ZNF415: variants seen among roughly 807,000 people sequenced by gnomAD.
The protein encoded by ZNF415 is zinc finger protein 415.
In ZNF415, 5 loss-of-function variants were observed where a neutral mutation model predicts 7.3. The observed-to-expected ratio is 0.69, with a 90% confidence interval of 0.36 to 1.44. ZNF415 has a LOEUF of 1.44. Among genes scored for constraint, ZNF415 ranks in the 40% most tolerant of loss-of-function variants. The pLI, the probability that ZNF415 is intolerant of heterozygous loss-of-function variation, is 0.04. For missense variants in ZNF415, 628 were observed against 664.8 expected (o/e 0.94, Z 0.61); for synonymous variants, 207 against 226.3 (o/e 0.91, Z 0.77).
At chr19:53,122,766 G>A in intron 1 of ZNF415, 23 bp from the exon 2 acceptor site, 1 of 1,570,570 alleles carries the variant, frequency 6.4e-7, no homozygotes. Flanking sequence ...AACAAGTGCT[G>A]TTTATTGCTT....
chr19:53,119,221 G>A (rs2087569016), intron 2 of ZNF415, among the ~76,000 whole-genome samples: 1 of 152,010 alleles, frequency 6.6e-6, no homozygotes, highest in Non-Finnish European at 1.5e-5. Flanking sequence ...GGCGGAGCTT[G>A]CAGTGAGCCC....
chr19:53,109,265 C>A lies in ZNF415; in HGVS notation c.780G>T (p.Ala260=), dbSNP rs142864555. 70 of 1,614,108 alleles carry A rather than the reference C, an allele frequency of 4.3e-5. No homozygotes were observed. In the South Asian group the frequency reaches 6.8e-4, roughly 16 times the overall value. Residue 260 remains alanine (A), a synonymous_variant, in exon 4 of 4, where the codon GCG becomes GCT. Transcript: ENST00000243643. ...GKVFSQKSNL[A]RHWRVHTGEK... Reference sequence around the variant, plus strand: ...CTCCAGTATGAACTCTCCAATGACGCGCAAGGTTTGATTTTTGACTAAAGA... The same window carrying A: ...CTCCAGTATGAACTCTCCAATGACGAGCAAGGTTTGATTTTTGACTAAAGA...
intron 2 of ZNF415, among the ~76,000 whole-genome samples, chr19:53,118,024 G>T (rs2087338548): frequency 6.6e-6 from 1 of 152,060 alleles, no homozygotes. Context: ...TGGCTAAATT[G>T]ATACAAGCGT....
At chr19:53,122,426 T>A in intron 2 of ZNF415, 1 of 1,537,828 alleles carries the variant, frequency 6.5e-7, no homozygotes, top group Non-Finnish European at 8.7e-7. Context: ...CATGTCTGGG[T>A]GTGAGCCCTT....
chr19:53,115,845 G>A, intron 3 of ZNF415: 3 of 1,488,532 alleles, frequency 2.0e-6, no homozygotes, highest in Non-Finnish European at 2.8e-6. Flanking sequence ...CTTATAAAAT[G>A]AATGGAACAT....
At chr19:53,114,596 CT>C (rs1398868859) in intron 3 of ZNF415, among the ~76,000 whole-genome samples, 1 of 152,164 alleles carries the variant, frequency 6.6e-6, no homozygotes, top group Non-Finnish European at 1.5e-5. Context: ...ACATATGAGG[CT>C]AGATTTTGAA....
At chr19:53,112,340 G>A (rs2086358240) in intron 3 of ZNF415, among the ~76,000 whole-genome samples, 1 of 152,152 alleles carries the variant, frequency 6.6e-6, no homozygotes, top group Non-Finnish European at 1.5e-5. Flanking sequence ...CAGCAAGAAT[G>A]CACCCAGGCG....
intron 2 of ZNF415, among the ~76,000 whole-genome samples, chr19:53,118,215 G>A (rs1212464467): frequency 6.6e-6 from 1 of 152,034 alleles, no homozygotes; most frequent in African/African-American, 2.4e-5. Flanking sequence ...GATGAAAAAG[G>A]TCATTATATA....
intron 3 of ZNF415, among the ~76,000 whole-genome samples, chr19:53,110,753 A>G (rs1432237909): frequency 6.6e-6 from 1 of 152,254 alleles, no homozygotes; most frequent in East Asian, 1.9e-4. Flanking sequence ...ATATGTTAAG[A>G]TCTCTGACAT....
chr19:53,132,453 A>T (rs2090209647), intron 1 of ZNF415, among the ~76,000 whole-genome samples: 1 of 152,064 alleles, frequency 6.6e-6, no homozygotes, highest in Admixed American at 6.5e-5. Flanking sequence ...GCCTTCAGAC[A>T]GGGGTGGGGT....
chr19:53,119,444 CAAAAAAAA>C (rs34688086), intron 2 of ZNF415, among the ~76,000 whole-genome samples: 6 of 35,092 alleles, frequency 1.7e-4, no homozygotes, highest in South Asian at 1.9e-3. Flanking sequence ...GACTCCATCT[CAAAAAAAA>C]AAAAAAAAAA....
At chr19:53,123,554 T>C in intron 1 of ZNF415, 2 of 398,620 alleles carry the variant, frequency 5.0e-6, no homozygotes, top group South Asian at 1.3e-4. Flanking sequence ...CGTGAAGGCC[T>C]TGAGGCAGGA....
Position 53,108,948 on chromosome 19 carries a change from C to A in ZNF415, c.1097G>T (p.Ser366Ile), listed in dbSNP as rs775646430. ...ATGAGTTGCAAGGCTTGAAGTCTGA[C>A]TGAACACCTTGCCACATTCATTGCA... ...YKCNECGKVF[S>I]QTSSLATHQR... The change falls in exon 4 of 4, where the codon AGT (serine) becomes ATT (isoleucine). Residue 366 changes from serine to isoleucine, a missense_variant. Transcript: ENST00000243643. The A allele has an allele frequency of 3.1e-6, 5 of 1,614,190 alleles. No individual in the cohort carries two copies. The highest frequency in any genetic ancestry group is 4.2e-6 in the Non-Finnish European group (5 of 1,180,028).
intron 2 of ZNF415, among the ~76,000 whole-genome samples, chr19:53,121,530 T>A (rs2088062973): frequency 6.6e-6 from 1 of 151,878 alleles, no homozygotes; most frequent in African/African-American, 2.4e-5. Context: ...CAGGTTCAAG[T>A]GATTCTCCTA....
At position 53,108,619 on chromosome 19, in the gene ZNF415, C is replaced by A; in HGVS notation, c.1426G>T (p.Gly476Cys). ...KPYKCNQCGK[G>C]FSVHSSLTTH... ...GTTAGGCTTGAATGCACACTGAAGCCTTTGCCACATTGATTACATTTGTAA... is the reference window on the plus strand; with the variant it reads ...GTTAGGCTTGAATGCACACTGAAGCATTTGCCACATTGATTACATTTGTAA... The change falls in exon 4 of 4, where the codon GGC becomes TGC. Residue 476 changes from glycine (G) to cysteine (C), a missense_variant. By Grantham distance (159) the Gly-to-Cys change is radical. Coordinates refer to ENST00000243643, the MANE Select transcript of ZNF415 (RefSeq NM_018355.4). 1 of 1,614,108 alleles carries A rather than the reference C, an allele frequency of 6.2e-7. No homozygotes were observed. Among genetic ancestry groups the A allele is most frequent in the Admixed American group, 1.7e-5 (1 of 60,012 alleles).
intron 1 of ZNF415, among the ~76,000 whole-genome samples, chr19:53,132,075 G>C (rs1431300660): frequency 6.6e-6 from 1 of 151,972 alleles, no homozygotes; most frequent in African/African-American, 2.4e-5. Context: ...GCTTTTTCTC[G>C]AAATGTGTCT....
At chr19:53,120,585 T>C (rs1409204099) in intron 2 of ZNF415, among the ~76,000 whole-genome samples, 1 of 152,110 alleles carries the variant, frequency 6.6e-6, no homozygotes, top group African/African-American at 2.4e-5. Context: ...AAAACAAATA[T>C]ATACATCATG....
chr19:53,108,970 T>A lies in ZNF415; in HGVS notation c.1075A>T (p.Asn359Tyr), dbSNP rs1223174794. The change falls in exon 4 of 4, where the codon AAT becomes TAT. Residue 359 changes from asparagine (N) to tyrosine (Y), a missense_variant. Physicochemically the swap from Asn to Tyr is moderately radical, Grantham distance 143. Coordinates refer to ENST00000243643, the MANE Select transcript of ZNF415 (RefSeq NM_018355.4). ...IHSGKKPYKC[N>Y]ECGKVFSQTS... Reference sequence around the variant, plus strand: ...TGACTGAACACCTTGCCACATTCATTGCATTTGTAAGGTTTCTTGCCACTA... The same window carrying A: ...TGACTGAACACCTTGCCACATTCATAGCATTTGTAAGGTTTCTTGCCACTA... 2 of 1,614,052 alleles carry A rather than the reference T, an allele frequency of 1.2e-6. No homozygotes were observed. Among genetic ancestry groups the A allele is most frequent in the African/African-American group, 2.7e-5 (2 of 74,932 alleles).
chr19:53,121,077 C>CA (rs58307730), intron 2 of ZNF415, among the ~76,000 whole-genome samples: 773 of 40,212 alleles, frequency 0.019, 14 homozygotes, highest in Non-Finnish European at 0.022. Flanking sequence ...GAGGAAGACT[C>CA]AAAAAAAAAA....
Sources: allele counts gnomAD v4.1 joint callset (sites outside exome capture counted in the v4.1 genomes callset), GRCh38; gene constraint gnomAD v4.1.1; transcripts MANE v1.5; gene names NCBI Gene and HGNC (gene_info 2026-07-23, HGNC 2026-07-21).